VWA3A: variants seen among roughly 807,000 people sequenced by gnomAD.
VWA3A encodes the protein von Willebrand factor A domain containing 3A, also known as von Willebrand factor A domain-containing protein 3A.
Under a neutral mutation model 160.4 loss-of-function variants are expected in VWA3A, and 134 were observed. The observed-to-expected ratio is 0.84, with a 90% CI of 0.73 to 0.96. The LOEUF (loss-of-function observed/expected upper bound fraction) is 0.96, where lower values mean the gene tolerates loss of function less well. Ranked by LOEUF, VWA3A falls within the 40% of genes least tolerant of loss-of-function variation. The probability of loss-of-function intolerance (pLI) is 0.00; values close to 1 mark genes in which losing one functional copy is unlikely to be tolerated. For missense variants in VWA3A, 1,310 were observed against 1,447.9 expected, an observed-to-expected ratio of 0.90 and a Z score of 1.55; for synonymous variants, 476 against 543.4, an observed-to-expected ratio of 0.88 and a Z score of 1.72.
chr16:22,119,538 G>A (rs1452468867), intron 12 of VWA3A, among the ~76,000 whole-genome samples: 2 of 152,160 alleles, frequency 1.3e-5, no homozygotes, highest in Non-Finnish European at 2.9e-5. Flanking sequence ...AGGCACGATG[G>A]CATGTGCCTG....
At chr16:22,139,954 C>T (rs965356132) in intron 22 of VWA3A, among the ~76,000 whole-genome samples, 200 bp from the exon 23 acceptor site, 1 of 152,172 alleles carries the variant, frequency 6.6e-6, no homozygotes, top group African/African-American at 2.4e-5. Context: ...CACACATGTA[C>T]ACACCCATAC....
chr16:22,145,510 G>A (rs1392451861), intron 26 of VWA3A, among the ~76,000 whole-genome samples: 1 of 151,960 alleles, frequency 6.6e-6, no homozygotes, highest in Non-Finnish European at 1.5e-5. Flanking sequence ...ATGGTGCTGT[G>A]CACCTGTAAT....
rs377670378 is a variant in VWA3A at position 22,109,567 on chromosome 16, A to T, written c.569A>T (p.Gln190Leu). ...AGTGGCCCTCAGAAAGAAGAGTTCC[A>T]AAAGGACCTCATGGTAAGTCTGTCT... is the stretch of plus-strand genomic sequence containing the variant. ...ISSGPQKEEF[Q>L]KDLMSLIDEQ... is the part of the protein sequence containing the mutation. Residue 190 changes from glutamine (Q) to leucine (L), a missense_variant, in exon 7 of 34, where the codon CAA becomes CTA. Coordinates refer to ENST00000389398, the MANE Select transcript of VWA3A (RefSeq NM_173615.5). The T allele has an allele frequency of 6.8e-6, 11 of 1,613,446 alleles. No homozygotes were observed. The highest frequency in any genetic ancestry group is 9.3e-6 in the Non-Finnish European group (11 of 1,179,804).
At chr16:22,145,315 C>T (rs2046228493) in intron 26 of VWA3A, among the ~76,000 whole-genome samples, 1 of 152,088 alleles carries the variant, frequency 6.6e-6, no homozygotes, top group South Asian at 2.1e-4. Flanking sequence ...AACTTCTTAC[C>T]CCACCATTTA....
chr16:22,150,071 C>A (rs893924736), intron 29 of VWA3A, 140 bp downstream of exon 29: 2 of 1,249,418 alleles, frequency 1.6e-6, no homozygotes, highest in Non-Finnish European at 1.1e-6. Context: ...TCCCAACACC[C>A]GAGTGAGAAA....
At chr16:22,124,922 G>A (rs2045815492) in intron 16 of VWA3A, among the ~76,000 whole-genome samples, 1 of 152,058 alleles carries the variant, frequency 6.6e-6, no homozygotes, top group African/African-American at 2.4e-5. Flanking sequence ...CAGAAGGTGG[G>A]AATATAAGTT....
At chr16:22,099,688 C>T (rs759321499) in intron 3 of VWA3A, among the ~76,000 whole-genome samples, 42 of 152,332 alleles carry the variant, frequency 2.8e-4, no homozygotes, top group Non-Finnish European at 5.3e-4. Flanking sequence ...AAGTCAAGGT[C>T]GCTTGAGCCC....
chr16:22,140,281 G>C (rs1567220341), intron 23 of VWA3A, 37 bp downstream of exon 23: 3 of 1,593,904 alleles, frequency 1.9e-6, no homozygotes, highest in Non-Finnish European at 2.6e-6. Context: ...GTGGAGGGAT[G>C]TCACGGTCAC....
At chr16:22,110,521 A>T (rs538850574) in intron 7 of VWA3A, among the ~76,000 whole-genome samples, 3 of 152,294 alleles carry the variant, frequency 2.0e-5, no homozygotes, top group Admixed American at 2.0e-4. Flanking sequence ...GGCAGAGCTC[A>T]TGGGGGTGGC....
Position 22,144,293 on chromosome 16 carries a change from G to C in VWA3A, c.2639G>C (p.Arg880Thr). ...GLKKLKLEISRCMGPNCTHQK... is the reference protein window; with the variant it reads ...GLKKLKLEISTCMGPNCTHQK... ...AAAAAATTGAAGCTGGAGATTTCCA[G>C]ATGCATGGGTCCCAACTGCACTCAT... Residue 880 changes from arginine (R) to threonine (T), a missense_variant, in exon 26 of 34, where the codon AGA becomes ACA. Transcript: ENST00000389398. 2 of 1,613,666 alleles carry C rather than the reference G, an allele frequency of 1.2e-6. No individual in the cohort carries two copies. Among genetic ancestry groups the C allele is most frequent in the Non-Finnish European group, 1.7e-6 (2 of 1,179,808 alleles).
chr16:22,141,776 C>T, intron 24 of VWA3A, 84 bp downstream of exon 24: 1 of 1,186,350 alleles, frequency 8.4e-7, no homozygotes, highest in South Asian at 1.5e-5. Context: ...GGGAAGGAGA[C>T]CCCTCCTGCT....
At chr16:22,144,098 G>T in intron 25 of VWA3A, 149 bp from the exon 26 acceptor site, 1 of 1,002,892 alleles carries the variant, frequency 1.0e-6, no homozygotes, top group South Asian at 1.8e-5. Flanking sequence ...GAAGGAATCT[G>T]CATGGGATGG....
At chr16:22,128,609 T>G (rs1379346049) in intron 17 of VWA3A, among the ~76,000 whole-genome samples, 1 of 152,236 alleles carries the variant, frequency 6.6e-6, no homozygotes, top group Non-Finnish European at 1.5e-5. Context: ...TAAGTCATTC[T>G]GTCATAAAGA....
At chr16:22,115,831 AG>A (rs2045621767) in intron 9 of VWA3A, among the ~76,000 whole-genome samples, 1 of 134,140 alleles carries the variant, frequency 7.5e-6, no homozygotes, top group South Asian at 2.6e-4. Flanking sequence ...AGTGAGACCC[AG>A]GGAAGGAAGG....
intron 31 of VWA3A, among the ~76,000 whole-genome samples, chr16:22,153,071 C>T (rs1408762476): frequency 6.6e-6 from 1 of 152,148 alleles, no homozygotes; most frequent in Admixed American, 6.6e-5. Flanking sequence ...TAAAGCTGGG[C>T]ACGGTGGTTC....
At chr16:22,106,236 T>C (rs1266247920) in intron 6 of VWA3A, among the ~76,000 whole-genome samples, 3 of 151,730 alleles carry the variant, frequency 2.0e-5, no homozygotes, top group Non-Finnish European at 4.4e-5. Flanking sequence ...AACACAAAAA[T>C]TAGCCAGGCG....
chr16:22,132,872 G>GC (rs1567214980), intron 19 of VWA3A, 28 bp from the exon 20 acceptor site: 1 of 1,597,508 alleles, frequency 6.3e-7, no homozygotes, highest in Admixed American at 1.7e-5. Context: ...TCAGCTGCTG[G>GC]CCCCTCCTAC....
At position 22,156,063 on chromosome 16, in the gene VWA3A, G is replaced by C; in HGVS notation, c.*46G>C. The C allele has an allele frequency of 1.2e-6, 1 of 828,348 alleles. No homozygotes were observed. The highest frequency in any genetic ancestry group is 1.9e-6 in the Non-Finnish European group (1 of 531,794). The allele number at this position is 828,348 out of a possible 1,614,324, so 51.3% of individuals were successfully genotyped here. A position where few individuals can be genotyped will look rare whatever the true frequency, so the allele number is the denominator to read the frequency against. ...CATCCTGCAAAGGACCACTCACTGAGCAAATCTCAGCCCCGAGGGCAGGAT... is the reference window on the plus strand; with the variant it reads ...CATCCTGCAAAGGACCACTCACTGACCAAATCTCAGCCCCGAGGGCAGGAT... On this transcript the variant is annotated 3_prime_UTR_variant, in exon 34 of 34. Transcript: ENST00000389398.
chr16:22,136,608 G>A (rs918502147), intron 21 of VWA3A, among the ~76,000 whole-genome samples: 3 of 152,048 alleles, frequency 2.0e-5, no homozygotes, highest in Non-Finnish European at 4.4e-5. Context: ...AGACTGGATT[G>A]TGGACTCCTG....
Sources: gnomAD v4.1 joint callset for allele counts (sites outside exome capture counted in the v4.1 genomes callset) on GRCh38, gnomAD v4.1.1 for gene constraint, MANE v1.5 for transcripts, NCBI Gene and HGNC (gene_info 2026-07-23, HGNC 2026-07-21) for gene names.